Variants in BABAM2 observed in about 807,000 individuals in gnomAD.
BABAM2 encodes BRISC and BRCA1-A complex member 2.
A neutral mutation model predicts 54.7 loss-of-function variants in BABAM2; 31 were observed. The observed-to-expected ratio is 0.57, with a 90% CI of 0.43 to 0.77. The LOEUF is 0.77. BABAM2 is among the 30% of genes least tolerant of loss of function. The pLI, the probability that BABAM2 is intolerant of heterozygous loss-of-function variation, is 0.00. For missense variants in BABAM2, 364 were observed against 455.8 expected, an observed-to-expected ratio of 0.80 and a Z score of 1.83; for synonymous variants, 167 against 162.9, an observed-to-expected ratio of 1.03 and a Z score of -0.19.
At chr2:28,229,962 CT>C (rs1383563782) in intron 7 of BABAM2, among the ~76,000 whole-genome samples, 1 of 152,174 alleles carries the variant, frequency 6.6e-6, no homozygotes, top group Non-Finnish European at 1.5e-5. Flanking sequence ...CTTTTTTAGA[CT>C]TTGCTCCAAG....
At chr2:28,190,964 A>G (rs923982555) in intron 7 of BABAM2, among the ~76,000 whole-genome samples, 1 of 152,216 alleles carries the variant, frequency 6.6e-6, no homozygotes, top group South Asian at 2.1e-4. Context: ...AGTACATTAC[A>G]CTTCACCAAA....
At chr2:28,182,366 A>G (rs1675736388) in intron 7 of BABAM2, among the ~76,000 whole-genome samples, 1 of 152,180 alleles carries the variant, frequency 6.6e-6, no homozygotes, top group Non-Finnish European at 1.5e-5. Flanking sequence ...CGATTATGTT[A>G]CATTTTGGTA....
intron 6 of BABAM2, among the ~76,000 whole-genome samples, chr2:28,073,388 C>A (rs915844750): frequency 6.6e-6 from 1 of 151,918 alleles, no homozygotes; most frequent in Non-Finnish European, 1.5e-5. Context: ...GTCCCAGCTA[C>A]TCAAGAGGCT....
intron 11 of BABAM2, among the ~76,000 whole-genome samples, chr2:28,327,766 A>G (rs1359447717): frequency 1.3e-5 from 2 of 152,158 alleles, no homozygotes; most frequent in Admixed American, 6.5e-5. Context: ...CTCTGCCTGA[A>G]GCTGTGAGCA....
At chr2:28,073,324 G>C (rs1664342414) in intron 6 of BABAM2, among the ~76,000 whole-genome samples, 4 of 151,946 alleles carry the variant, frequency 2.6e-5, no homozygotes, top group Admixed American at 2.0e-4. Flanking sequence ...ATGAGACCTT[G>C]TCTTTACAAA....
At chr2:28,171,261 A>G (rs1280536527) in intron 7 of BABAM2, among the ~76,000 whole-genome samples, 3 of 152,342 alleles carry the variant, frequency 2.0e-5, no homozygotes, top group Non-Finnish European at 4.4e-5. Context: ...CTTTGTACAT[A>G]CATTGAAGAC....
intron 10 of BABAM2, among the ~76,000 whole-genome samples, chr2:28,245,360 T>C (rs1682823097): frequency 6.6e-6 from 1 of 152,222 alleles, no homozygotes; most frequent in Non-Finnish European, 1.5e-5. Context: ...TCATCCTTAT[T>C]CAATGAAAAG....
At chr2:28,186,045 G>A (rs771047669) in intron 7 of BABAM2, among the ~76,000 whole-genome samples, 6 of 152,298 alleles carry the variant, frequency 3.9e-5, no homozygotes, top group Middle Eastern at 3.4e-3. Context: ...AAGGAATGAA[G>A]CAGAGTTGAA....
intron 7 of BABAM2, among the ~76,000 whole-genome samples, chr2:28,221,085 T>C (rs1383712275): frequency 6.6e-6 from 1 of 151,676 alleles, no homozygotes; most frequent in East Asian, 1.9e-4. Context: ...TCACCACCGC[T>C]GCTTCTCTCT....
chr2:28,120,733 A>T (rs888507834), intron 6 of BABAM2, among the ~76,000 whole-genome samples: 1 of 152,234 alleles, frequency 6.6e-6, no homozygotes, highest in African/African-American at 2.4e-5. Context: ...AATATAAAAT[A>T]TATATTGCTG....
chr2:27,962,974 A>G (rs867530779), intron 3 of BABAM2, among the ~76,000 whole-genome samples: 1 of 152,206 alleles, frequency 6.6e-6, no homozygotes, highest in African/African-American at 2.4e-5. Context: ...TCTTATTTGC[A>G]TTGACAGTTT....
At chr2:27,989,178 A>G (rs1258711520) in intron 4 of BABAM2, among the ~76,000 whole-genome samples, 1 of 152,034 alleles carries the variant, frequency 6.6e-6, no homozygotes, top group East Asian at 1.9e-4. Context: ...TTCACCCCAT[A>G]TTAAAGCTGA....
At chr2:28,142,460 A>G (rs185322172) in intron 7 of BABAM2, among the ~76,000 whole-genome samples, 2 of 152,300 alleles carry the variant, frequency 1.3e-5, no homozygotes, top group Admixed American at 6.5e-5. Context: ...TGAAGAAGTT[A>G]TATGTATCAG....
chr2:28,244,942 C>G, intron 10 of BABAM2, 80 bp downstream of exon 10: 12 of 1,187,652 alleles, frequency 1.0e-5, no homozygotes, highest in Admixed American at 5.9e-5. Context: ...GTACTAGAAC[C>G]TTTTCTGTCC....
At chr2:28,063,816 T>TA (rs1158235662) in intron 6 of BABAM2, among the ~76,000 whole-genome samples, 4 of 152,214 alleles carry the variant, frequency 2.6e-5, no homozygotes, top group African/African-American at 7.2e-5. Context: ...TCCTGTCACT[T>TA]ATGATCAAAA....
At chr2:27,973,444 T>C (rs10198257) in intron 3 of BABAM2, among the ~76,000 whole-genome samples, 98,076 of 150,526 alleles carry the variant, frequency 0.65, 33,571 homozygotes, top group Middle Eastern at 0.8. Flanking sequence ...TTTTTTTTTT[T>C]CCCCACCAAC....
At chr2:27,922,167 A>C (rs758733094) in intron 2 of BABAM2, among the ~76,000 whole-genome samples, 1 of 152,242 alleles carries the variant, frequency 6.6e-6, no homozygotes, top group Non-Finnish European at 1.5e-5. Context: ...CATCATCTGT[A>C]AAATGACAGT....
upstream of BABAM2, chr2:27,890,433 A>C: frequency 7.6e-7 from 1 of 1,315,118 alleles, no homozygotes; most frequent in Non-Finnish European, 1.1e-6. The surrounding 1 kb of genome is among the most constrained non-coding windows in gnomAD (Gnocchi z 4.8). Flanking sequence ...TGCCCTCCCT[A>C]ACGACGCGGG....
At chr2:28,171,697 A>G (rs991670654) in intron 7 of BABAM2, among the ~76,000 whole-genome samples, 1 of 152,080 alleles carries the variant, frequency 6.6e-6, no homozygotes, top group Non-Finnish European at 1.5e-5. Flanking sequence ...TGAGATTTTC[A>G]TTTACCCCTT....
Sources: gnomAD v4.1 joint callset for allele counts (sites outside exome capture counted in the v4.1 genomes callset) on GRCh38, gnomAD v4.1.1 for gene constraint, Gnocchi (gnomAD v3.1) non-coding constraint, MANE v1.5 for transcripts, NCBI Gene and HGNC (gene_info 2026-07-23, HGNC 2026-07-21) for gene names.